MGAM: variants seen among roughly 807,000 people sequenced by gnomAD.
The protein encoded by MGAM is maltase-glucoamylase, also known as alpha-1,4-glucosidase.
In MGAM, 253 loss-of-function variants were observed where a neutral mutation model predicts 358.8. The observed-to-expected ratio is 0.71, with a 90% CI of 0.64 to 0.78. The LOEUF is 0.78. Ranked by LOEUF, MGAM falls within the 30% of genes least tolerant of loss-of-function variation. The pLI, the probability that MGAM is intolerant of heterozygous loss-of-function variation, is 0.00. For missense variants in MGAM, 3,080 were observed against 3,432.6 expected (o/e 0.90, Z 2.57); for synonymous variants, 1,105 against 1,227.1 (o/e 0.90, Z 2.08).
At chr7:142,060,961 C>T (rs112987762) in intron 34 of MGAM, among the ~76,000 whole-genome samples, 45 of 113,746 alleles carry the variant, frequency 4.0e-4, no homozygotes, top group Admixed American at 6.9e-4. Context: ...CTCCTGGGGA[C>T]GGTTTGTTGC....
intron 3 of MGAM, among the ~76,000 whole-genome samples, chr7:142,011,982 G>A (rs1217718998): frequency 2.6e-5 from 4 of 152,112 alleles, no homozygotes; most frequent in Non-Finnish European, 4.4e-5. Context: ...TCACAGAGTC[G>A]AGACTAATTT....
intron 65 of MGAM, among the ~76,000 whole-genome samples, chr7:142,096,879 G>C (rs1173159517): frequency 6.6e-6 from 1 of 151,340 alleles, no homozygotes; most frequent in Non-Finnish European, 1.5e-5. Context: ...TACTTCTATT[G>C]TTGATTAGGC....
intron 43 of MGAM, among the ~76,000 whole-genome samples, chr7:142,069,442 T>C (rs1309211943): frequency 6.9e-6 from 1 of 145,356 alleles, no homozygotes; most frequent in African/African-American, 2.4e-5. Flanking sequence ...AAAGGAGGTA[T>C]TTCCTTCGTT....
intron 21 of MGAM, among the ~76,000 whole-genome samples, chr7:142,045,458 GAT>G (rs1810101386): frequency 9.6e-6 from 1 of 104,664 alleles, no homozygotes; most frequent in South Asian, 2.8e-4. Flanking sequence ...TATAATACAT[GAT>G]ATATTATATA....
In MGAM at chr7:142,057,036, G is replaced by A; in HGVS notation, c.3693+94G>A. 5.5e-6 allele frequency: 6 copies of A among 1,081,334 alleles called. No individual in the cohort carries two copies. The South Asian group carries it at 6.9e-5, about 12-fold the overall frequency. 67.0% of individuals were successfully genotyped at this position (1,081,334 alleles called of 1,614,324 possible). A position where few individuals can be genotyped will look rare whatever the true frequency, so the allele number is the denominator to read the frequency against. ...TTAGTATAACTCTCAGTTGACAACT[G>A]GAAATATTGGTCTTTCTTGGAGAGA... is the stretch of plus-strand genomic sequence containing the variant. On this transcript the variant is annotated intron_variant, in intron 30 of 70. Transcript: ENST00000475668.
chr7:142,027,369 A>G (rs1405397683), intron 9 of MGAM, 142 bp downstream of exon 9: 5 of 792,786 alleles, frequency 6.3e-6, no homozygotes, highest in East Asian at 5.2e-5. Flanking sequence ...CATATATGCA[A>G]TGGAAACTTG....
At chr7:142,000,728 A>G (rs1480976324) in intron 1 of MGAM, among the ~76,000 whole-genome samples, 1 of 152,176 alleles carries the variant, frequency 6.6e-6, no homozygotes, top group Non-Finnish European at 1.5e-5. Context: ...TTGTATATAC[A>G]TTGATTCCCA....
rs1008897070 is a variant in MGAM at position 142,106,134 on chromosome 7, G to A, written c.*243G>A. On this transcript the variant is annotated 3_prime_UTR_variant, in exon 71 of 71. Transcript: ENST00000475668. The stretch of plus-strand genomic sequence containing the variant: ...TTAATGTCTCTGTGTGGTTAGTATG[G>A]TAGTGACTGTTCATCATATGACATT... 2.2e-5 allele frequency: 8 copies of A among 357,276 alleles called. No individual in the cohort carries two copies. Among genetic ancestry groups the A allele is most frequent in the Non-Finnish European group, 1.6e-5 (3 of 188,288 alleles). The allele number at this position is 357,276 out of a possible 1,614,324, so 22.1% of individuals were successfully genotyped here.
At chr7:142,029,845 G>A (rs1807306451) in intron 10 of MGAM, among the ~76,000 whole-genome samples, 1 of 152,174 alleles carries the variant, frequency 6.6e-6, no homozygotes, top group Non-Finnish European at 1.5e-5. Context: ...CTAGGTTGTA[G>A]AGAAGGGTAC....
chr7:142,055,975 A>C, intron 28 of MGAM, 25 bp from the exon 29 acceptor site: 1 of 1,591,726 alleles, frequency 6.3e-7, no homozygotes, highest in Non-Finnish European at 8.6e-7. Flanking sequence ...TTAAACTCCT[A>C]CTGCTTCTTC....
chr7:142,038,886 A>G (rs528120846), intron 19 of MGAM, among the ~76,000 whole-genome samples: 42 of 152,282 alleles, frequency 2.8e-4, no homozygotes, highest in Non-Finnish European at 5.3e-4. Context: ...TTGTTCTTGC[A>G]TTGCTATACA....
At chr7:142,008,127 G>A (rs1380536190) in intron 2 of MGAM, among the ~76,000 whole-genome samples, 5 of 152,182 alleles carry the variant, frequency 3.3e-5, no homozygotes, top group Non-Finnish European at 7.3e-5. Flanking sequence ...GTGCATGTGT[G>A]TAATGTTCCA....
rs574613816 is a variant in MGAM at position 142,056,939 on chromosome 7, T to A, written c.3690T>A (p.Thr1230=). The A allele has an allele frequency of 1.3e-4, 205 of 1,613,564 alleles. 2 individuals are homozygous for A. The South Asian group carries it at 1.7e-3, about 13-fold the overall frequency. The change falls in exon 30 of 71, where the codon ACT becomes ACA. Residue 1230 remains threonine (T), a synonymous_variant. Coordinates refer to ENST00000475668, the MANE Select transcript of MGAM (RefSeq NM_001365693.1). ...CAGAGCTTGTCACCCAGCAGTACAC[T>A]GAGGTAGGGGGAAATCCAATTGTTT... ...PTPELVTQQY[T]ELIGRPVMVP... is the part of the protein sequence containing the mutation.
chr7:142,087,219 C>T (rs1814837958), intron 57 of MGAM, among the ~76,000 whole-genome samples: 1 of 145,076 alleles, frequency 6.9e-6, no homozygotes, highest in African/African-American at 2.4e-5. Flanking sequence ...CTCCTCTGAG[C>T]CCAATCCTTC....
intron 70 of MGAM, among the ~76,000 whole-genome samples, chr7:142,105,331 A>T (rs1256748904): frequency 6.6e-6 from 1 of 150,636 alleles, no homozygotes; most frequent in Non-Finnish European, 1.5e-5. Context: ...TCTGTTGCCT[A>T]GGCTGAAGTA....
At chr7:142,045,312 C>T (rs1463999644) in intron 21 of MGAM, among the ~76,000 whole-genome samples, 3 of 40,502 alleles carry the variant, frequency 7.4e-5, no homozygotes, top group Admixed American at 6.5e-4. Flanking sequence ...TTATATGTAC[C>T]TATAATATAT....
intron 21 of MGAM, 100 bp downstream of exon 21, chr7:142,040,946 T>C: frequency 7.1e-7 from 1 of 1,414,640 alleles, no homozygotes; most frequent in Non-Finnish European, 9.5e-7. Flanking sequence ...TCAGCCTCTT[T>C]GGTTTGGCCA....
chr7:142,055,117 T>A (rs548665306), intron 27 of MGAM, among the ~76,000 whole-genome samples: 2 of 152,310 alleles, frequency 1.3e-5, no homozygotes, highest in Admixed American at 6.5e-5. Flanking sequence ...TGAGGATTCA[T>A]CCAACAAATG....
intron 53 of MGAM, among the ~76,000 whole-genome samples, chr7:142,083,963 G>A (rs970763963): frequency 6.9e-6 from 1 of 145,148 alleles, no homozygotes; most frequent in African/African-American, 2.4e-5. Context: ...TGGTAGTGGT[G>A]GTGATGGTGA....
Sources: allele counts gnomAD v4.1 joint callset (sites outside exome capture counted in the v4.1 genomes callset), GRCh38; gene constraint gnomAD v4.1.1; transcripts MANE v1.5; gene names NCBI Gene and HGNC (gene_info 2026-07-23, HGNC 2026-07-21).